Variants in ANKRD36C observed in about 807,000 individuals in gnomAD.
ANKRD36C encodes ankyrin repeat domain-containing protein 36C.
A neutral mutation model predicts 276.4 loss-of-function variants in ANKRD36C; 61 were observed. That is an observed-to-expected ratio of 0.22 (90% CI 0.18 to 0.27). The LOEUF is 0.27. ANKRD36C is among the 10% of genes least tolerant of loss of function. The pLI is 1.00. For synonymous variants in ANKRD36C, 483 were observed against 680.1 expected (o/e 0.71, Z 4.51); for missense variants, 1,447 against 2,032.3 (o/e 0.71, Z 5.54).
At chr2:95,909,813 A>C (rs1156817169) in intron 42 of ANKRD36C, among the ~76,000 whole-genome samples, 72 of 148,908 alleles carry the variant, frequency 4.8e-4, no homozygotes, top group African/African-American at 1.6e-3. Flanking sequence ...TTTTTTATTA[A>C]AATATTCCAA....
In ANKRD36C at chr2:95,925,342, G is replaced by C. The variant is rs184870275; in HGVS notation, c.2041+10C>G. 3 of 1,573,336 alleles carry C rather than the reference G, an allele frequency of 1.9e-6. No individual in the cohort carries two copies. The Admixed American group carries it at 5.4e-5, about 28-fold the overall frequency. On this transcript the variant is annotated intron_variant, in intron 30 of 66. Transcript: ENST00000456556. ...GTGCACATGACATTAAATGTGTATT[G>C]CCAAATTACCTGTTCCAGATTTCCC...
chr2:95,885,654 GAGGTATT>G (rs890311857), intron 52 of ANKRD36C, among the ~76,000 whole-genome samples: 3 of 151,842 alleles, frequency 2.0e-5, no homozygotes, highest in African/African-American at 7.3e-5. Flanking sequence ...CGCTGTTTTT[GAGGTATT>G]AGGATCACTT....
At chr2:95,911,540 T>C (rs1676924592) in intron 42 of ANKRD36C, among the ~76,000 whole-genome samples, 1 of 151,502 alleles carries the variant, frequency 6.6e-6, no homozygotes, top group Non-Finnish European at 1.5e-5. Flanking sequence ...CTCATTTCTA[T>C]AACTAAAATC....
Position 95,893,431 on chromosome 2 carries a change from C to T in ANKRD36C, c.2756-1571G>A, listed in dbSNP as rs548732833. On this transcript the variant is annotated intron_variant, in intron 44 of 66. Coordinates refer to ENST00000456556, the Ensembl canonical transcript of ANKRD36C. ...ATGAAGAATCTCCGGCCTGCTGAAT[C>T]AGAAAGTGCAGCTTCGACGAGCCCC... is the stretch of plus-strand genomic sequence containing the variant. 37 of 1,467,314 alleles carry T rather than the reference C, an allele frequency of 2.5e-5. 1 individual carries two copies. In the South Asian group the frequency reaches 4.5e-4, roughly 18 times the overall value. The allele number at this position is 1,467,314 out of a possible 1,614,324, so 90.9% of individuals were successfully genotyped here.
At chr2:95,890,566 C>A (rs1676319404) in intron 46 of ANKRD36C, among the ~76,000 whole-genome samples, 1 of 151,538 alleles carries the variant, frequency 6.6e-6, no homozygotes, top group South Asian at 2.1e-4. Flanking sequence ...CATTACCTCT[C>A]ACACCCATGT....
chr2:95,990,834 C>G (rs879353350), intron 1 of ANKRD36C, among the ~76,000 whole-genome samples: 1 of 152,166 alleles, frequency 6.6e-6, no homozygotes, highest in Non-Finnish European at 1.5e-5. Flanking sequence ...GAAATGATTT[C>G]TCTCATTATG....
chr2:95,926,465 A>C (rs1443227865), intron 28 of ANKRD36C, among the ~76,000 whole-genome samples: 9 of 151,720 alleles, frequency 5.9e-5, no homozygotes, highest in African/African-American at 2.2e-4. Context: ...TTTTATCCAA[A>C]AGTTAGCTAA....
intron 40 of ANKRD36C, 143 bp downstream of exon 42, chr2:95,913,965 C>T: frequency 1.1e-6 from 1 of 927,954 alleles, no homozygotes; most frequent in East Asian, 2.7e-5. Context: ...CAGCATCACC[C>T]AAGAACTTAT....
Position 95,852,313 on chromosome 2 carries a change from T to C in ANKRD36C, c.5149-117A>G. 4.9e-6 allele frequency: 4 copies of C among 822,590 alleles called. No homozygotes were observed. The South Asian group carries it at 6.8e-5, about 14-fold the overall frequency. The allele number at this position is 822,590 out of a possible 1,614,324, so 51.0% of individuals were successfully genotyped here. ...TTAGACTATCAGAATCTTTTTTATT[T>C]ATAAAAGGTCATAATCTAGGAGAAG... On this transcript the variant is annotated intron_variant, in intron 64 of 66. Coordinates refer to ENST00000456556, the Ensembl canonical transcript of ANKRD36C.
At chr2:95,854,115 T>G (rs1374806047) in intron 63 of ANKRD36C, among the ~76,000 whole-genome samples, 1 of 150,666 alleles carries the variant, frequency 6.6e-6, no homozygotes, top group African/African-American at 2.5e-5. Flanking sequence ...CCTTGATGAA[T>G]CTGCAATGCT....
At chr2:95,893,459 G>C (rs923681252) in intron 44 of ANKRD36C, 74 bp downstream of exon 64, 12 of 1,520,280 alleles carry the variant, frequency 7.9e-6, no homozygotes, top group African/African-American at 1.4e-5. Context: ...CGAGCCCCCC[G>C]CTGATTTATT....
At chr2:95,951,471 C>T (rs1678194793) in intron 14 of ANKRD36C, 63 bp from the exon 15 acceptor site, 4 of 1,227,458 alleles carry the variant, frequency 3.3e-6, no homozygotes, top group Non-Finnish European at 3.4e-6. Flanking sequence ...GGATAATACC[C>T]ACCATTACTA....
intron 48 of ANKRD36C, 104 bp from the exon 69 acceptor site, chr2:95,888,224 A>G (rs1676249272): frequency 1.3e-6 from 2 of 1,562,276 alleles, no homozygotes; most frequent in Non-Finnish European, 1.7e-6. Context: ...TGCCTGTATT[A>G]GTATAGGCTT....
chr2:95,957,630 C>A (rs1176108918), intron 12 of ANKRD36C, among the ~76,000 whole-genome samples: 2 of 152,156 alleles, frequency 1.3e-5, no homozygotes, highest in Admixed American at 6.5e-5. Context: ...GATATACTTA[C>A]ACAAAATAAA....
At chr2:95,870,506 C>A (rs1675782168) in intron 59 of ANKRD36C, among the ~76,000 whole-genome samples, 1 of 152,142 alleles carries the variant, frequency 6.6e-6, no homozygotes, top group African/African-American at 2.4e-5. Context: ...ACATCAAAAA[C>A]CCATCTGTAC....
At chr2:95,949,781 T>G (rs1433844453) in intron 16 of ANKRD36C, among the ~76,000 whole-genome samples, 2 of 152,290 alleles carry the variant, frequency 1.3e-5, no homozygotes, top group African/African-American at 4.8e-5. Context: ...AAGCAAGGAT[T>G]CAAGTATAGA....
At chr2:95,917,311 C>T (rs1367387730) in intron 36 of ANKRD36C, among the ~76,000 whole-genome samples, 1 of 151,486 alleles carries the variant, frequency 6.6e-6, no homozygotes, top group Non-Finnish European at 1.5e-5. Flanking sequence ...GAAGTGAGTC[C>T]ACTCAGATTT....
At chr2:95,952,391 G>C (rs1678218940) in intron 14 of ANKRD36C, among the ~76,000 whole-genome samples, 1 of 1,116 alleles carries the variant, frequency 9.0e-4, no homozygotes, top group Non-Finnish European at 2.9e-3. Context: ...ACTACAGAGA[G>C]AGAGAGAGGG....
At chr2:95,954,957 G>A (rs1457915137) in intron 13 of ANKRD36C, among the ~76,000 whole-genome samples, 1 of 152,208 alleles carries the variant, frequency 6.6e-6, no homozygotes, top group Non-Finnish European at 1.5e-5. Flanking sequence ...CAAAAGATGG[G>A]CTAACATAAT....
Sources: gnomAD v4.1 joint callset for allele counts (sites outside exome capture counted in the v4.1 genomes callset) on GRCh38, gnomAD v4.1.1 for gene constraint, MANE v1.5 for transcripts, NCBI Gene and HGNC (gene_info 2026-07-23, HGNC 2026-07-21) for gene names.